Variants in CELF2 observed in about 807,000 individuals in gnomAD.
The protein encoded by CELF2 is CUGBP Elav-like family member 2.
In CELF2, 8 loss-of-function variants were observed where a neutral mutation model predicts 62.6. That is an observed-to-expected ratio of 0.13 (90% confidence interval 0.07 to 0.23). The LOEUF (loss-of-function observed/expected upper bound fraction) is 0.23. Ranked by LOEUF, CELF2 falls within the 10% of genes least tolerant of loss-of-function variation. The pLI, the probability that CELF2 is intolerant of heterozygous loss-of-function variation, is 1.00. For synonymous variants in CELF2, 258 were observed against 250.0 expected (o/e 1.03, Z -0.30); for missense variants, 333 against 671.0 (o/e 0.50, Z 5.56).
chr10:10,546,730 TC>T, the CELF2 span, among the ~76,000 whole-genome samples: 1 of 152,016 alleles, frequency 6.6e-6, no homozygotes, highest in African/African-American at 2.4e-5. Context: ...TTGAAACGAT[TC>T]TCCCAAAAAA....
chr10:11,064,238 T>A (rs1459003008), intron 1 of CELF2, among the ~76,000 whole-genome samples: 1 of 152,232 alleles, frequency 6.6e-6, no homozygotes, highest in Non-Finnish European at 1.5e-5. Context: ...TCCAAATCAT[T>A]TCACAGTGCT....
chr10:10,563,514 A>G, the CELF2 span, among the ~76,000 whole-genome samples: 1 of 151,106 alleles, frequency 6.6e-6, no homozygotes, highest in Non-Finnish European at 1.5e-5. Flanking sequence ...AGGCTGAGGC[A>G]GGAGAATCGC....
chr10:11,254,436 T>TA (rs1417056750), intron 4 of CELF2, among the ~76,000 whole-genome samples: 1 of 152,262 alleles, frequency 6.6e-6, no homozygotes, highest in African/African-American at 2.4e-5. Context: ...TCTTGGCTAA[T>TA]ACTTGATATT....
chr10:10,563,080 C>T, the CELF2 span, among the ~76,000 whole-genome samples: 1 of 152,136 alleles, frequency 6.6e-6, no homozygotes, highest in African/African-American at 2.4e-5. Flanking sequence ...TGGCTTCCAT[C>T]CTAGCCCCGT....
intron 1 of CELF2, among the ~76,000 whole-genome samples, chr10:10,885,088 A>G (rs1241649623): frequency 6.6e-6 from 1 of 152,126 alleles, no homozygotes; most frequent in Non-Finnish European, 1.5e-5. Flanking sequence ...CTAAAGATAC[A>G]AAACATTAGC....
chr10:11,262,317 C>T (rs2080892792), intron 5 of CELF2, among the ~76,000 whole-genome samples: 1 of 152,080 alleles, frequency 6.6e-6, no homozygotes, highest in Non-Finnish European at 1.5e-5. Context: ...TGCAGGAGGA[C>T]CACTTGAGCC....
At chr10:10,800,013 G>A (rs1031612756) in intron 1 of CELF2, among the ~76,000 whole-genome samples, 2 of 152,060 alleles carry the variant, frequency 1.3e-5, no homozygotes, top group African/African-American at 2.4e-5. Context: ...GACGTTACTG[G>A]AACTTCTTTT....
At chr10:10,775,624 AAAT>A in the CELF2 span, among the ~76,000 whole-genome samples, 1,060 of 144,234 alleles carry the variant, frequency 7.3e-3, 17 homozygotes, top group African/African-American at 0.026. Flanking sequence ...AAAAAAAAAA[AAAT>A]ATATATATAG....
In CELF2 at chr10:11,309,457, C is replaced by T. The variant is rs1256104390; in HGVS notation, c.977-4682C>T. On this transcript the variant is annotated intron_variant, in intron 9 of 12. Transcript: ENST00000633077. This position sits in a 1 kb window ranked among gnomAD's most constrained non-coding sequence, Gnocchi z 5.6. The stretch of plus-strand genomic sequence containing the variant: ...TGTTAAATTACAAAATTCTTCCAGA[C>T]AGCTCCCTTTCACTGCCTCTTTGCC... Among the ~76,000 whole-genome samples, 1 of 152,242 alleles carries T rather than the reference C, an allele frequency of 6.6e-6. No individual in the cohort carries two copies. The highest frequency in any genetic ancestry group is 2.4e-5 in the African/African-American group (1 of 41,466).
At chr10:11,088,508 G>A (rs2047421261) in intron 1 of CELF2, among the ~76,000 whole-genome samples, 1 of 152,196 alleles carries the variant, frequency 6.6e-6, no homozygotes, top group Non-Finnish European at 1.5e-5. Context: ...TGTGGTTTAA[G>A]AAGATGAATT....
chr10:10,973,076 G>A (rs943961853), intron 2 of CELF2, among the ~76,000 whole-genome samples: 28 of 152,046 alleles, frequency 1.8e-4, no homozygotes, highest in Admixed American at 3.3e-4. Context: ...GGTCACTCAC[G>A]GTCAGGAGTT....
At chr10:11,299,164 G>C (rs1458097871) in intron 9 of CELF2, among the ~76,000 whole-genome samples, 3 of 152,254 alleles carry the variant, frequency 2.0e-5, no homozygotes, top group African/African-American at 7.2e-5. Context: ...AACAGAGCAA[G>C]ACTGCTGTGT....
chr10:11,063,267 A>G (rs745496072), intron 1 of CELF2, among the ~76,000 whole-genome samples: 6 of 152,222 alleles, frequency 3.9e-5, no homozygotes, highest in Non-Finnish European at 7.3e-5. Flanking sequence ...AACATGGCAC[A>G]TACAGAAGGG....
the CELF2 span, among the ~76,000 whole-genome samples, chr10:10,587,113 C>A: frequency 6.6e-6 from 1 of 152,102 alleles, no homozygotes; most frequent in African/African-American, 2.4e-5. Context: ...TCTTTAACCA[C>A]TTTGTCATGC....
the CELF2 span, among the ~76,000 whole-genome samples, chr10:10,684,021 C>T: frequency 6.6e-6 from 1 of 152,048 alleles, no homozygotes; most frequent in East Asian, 1.9e-4. Flanking sequence ...AAAAAAAAAT[C>T]GCACGTACTT....
At chr10:10,578,662 C>A in the CELF2 span, among the ~76,000 whole-genome samples, 1 of 152,118 alleles carries the variant, frequency 6.6e-6, no homozygotes, top group African/African-American at 2.4e-5. Context: ...GCCCCAAAAT[C>A]TAATTATCTT....
chr10:10,532,011 T>A, the CELF2 span, among the ~76,000 whole-genome samples: 7 of 152,340 alleles, frequency 4.6e-5, no homozygotes, highest in Non-Finnish European at 7.3e-5. Flanking sequence ...CAGACAGCCT[T>A]AAACAAAGGT....
rs374317241 is a variant in CELF2 at position 11,270,843 on chromosome 10, C to T, written c.777+19C>T. 529 of 1,351,050 alleles carry T rather than the reference C, an allele frequency of 3.9e-4. 1 individual carries two copies. Among genetic ancestry groups the T allele is most frequent in the Non-Finnish European group, 4.8e-4 (495 of 1,038,942 alleles). The allele number at this position is 1,351,050 out of a possible 1,614,324, so 83.7% of individuals were successfully genotyped here. Reference sequence around the variant, plus strand: ...TCTGGCGGTAAGTGCTGGGCAATGCCGGCGTGGTCTTCACCCGCTGAAACT... The same window carrying T: ...TCTGGCGGTAAGTGCTGGGCAATGCTGGCGTGGTCTTCACCCGCTGAAACT... On this transcript the variant is annotated intron_variant, in intron 7 of 12. Transcript: ENST00000633077. This position sits in a 1 kb window ranked among gnomAD's most constrained non-coding sequence, Gnocchi z 5.8.
chr10:10,909,585 T>G (rs988762031), intron 1 of CELF2, among the ~76,000 whole-genome samples: 1 of 152,222 alleles, frequency 6.6e-6, no homozygotes, highest in African/African-American at 2.4e-5. Flanking sequence ...TGTTTTCATT[T>G]CTCAGAAAGA....
Sources: gnomAD v4.1 joint callset for allele counts (sites outside exome capture counted in the v4.1 genomes callset) on GRCh38, gnomAD v4.1.1 for gene constraint, Gnocchi (gnomAD v3.1) non-coding constraint, MANE v1.5 for transcripts, NCBI Gene and HGNC (gene_info 2026-07-23, HGNC 2026-07-21) for gene names.